CNTNAP2: variants seen among roughly 807,000 people sequenced by gnomAD.
CNTNAP2 encodes the protein contactin associated protein 2.
In CNTNAP2, 98 loss-of-function variants were observed where a neutral mutation model predicts 155.2. That is an observed-to-expected ratio of 0.63 (90% CI 0.54 to 0.75). The LOEUF (loss-of-function observed/expected upper bound fraction) is 0.75, where lower values mean the gene tolerates loss of function less well. Ranked by LOEUF, CNTNAP2 falls within the 30% of genes least tolerant of loss-of-function variation. The probability of loss-of-function intolerance (pLI) is 0.00; values close to 1 mark genes in which losing one functional copy is unlikely to be tolerated. For synonymous variants in CNTNAP2, 651 were observed against 631.2 expected, an observed-to-expected ratio of 1.03 and a Z score of -0.47; for missense variants, 1,727 against 1,688.1, an observed-to-expected ratio of 1.02 and a Z score of -0.40.
chr7:148,337,438 T>A (rs1367321224), intron 21 of CNTNAP2, among the ~76,000 whole-genome samples: 1 of 152,156 alleles, frequency 6.6e-6, no homozygotes, highest in Non-Finnish European at 1.5e-5. Context: ...ACCGTCAGAT[T>A]CCCTGACAGC....
intron 1 of CNTNAP2, among the ~76,000 whole-genome samples, chr7:146,593,722 C>T (rs150676118): frequency 3.3e-5 from 5 of 152,122 alleles, no homozygotes; most frequent in African/African-American, 1.2e-4. Flanking sequence ...GCTCATCCCT[C>T]CTTATTTCTC....
chr7:147,155,614 A>G (rs1318814641), intron 8 of CNTNAP2, among the ~76,000 whole-genome samples: 2 of 152,190 alleles, frequency 1.3e-5, no homozygotes, highest in African/African-American at 4.8e-5. Flanking sequence ...CCATTGGTAA[A>G]GAATATTCAT....
intron 1 of CNTNAP2, among the ~76,000 whole-genome samples, chr7:146,182,252 G>A (rs1275815088): frequency 6.6e-6 from 1 of 152,014 alleles, no homozygotes; most frequent in Non-Finnish European, 1.5e-5. Context: ...TTGTTTGTTT[G>A]TTTGATTTTG....
chr7:147,620,436 G>A (rs182387646), intron 12 of CNTNAP2, among the ~76,000 whole-genome samples: 32 of 151,520 alleles, frequency 2.1e-4, no homozygotes, highest in South Asian at 6.3e-4. Context: ...AAGATAAAGC[G>A]GAGAAGGTAT....
chr7:147,581,561 G>C (rs140169011), intron 12 of CNTNAP2, among the ~76,000 whole-genome samples: 1,558 of 152,188 alleles, frequency 0.01, 32 homozygotes, highest in African/African-American at 0.034. Context: ...AAGACCCCTG[G>C]TCAACCAAGA....
In CNTNAP2 at chr7:146,245,740, T is replaced by A. The variant is rs572831619; in HGVS notation, c.97+128767T>A. ...GGCTTGACTGAAGTAATGGGGGCTG[T>A]CTGTGAAGCCTTGCGGCAGTACAGC... On this transcript the variant is annotated intron_variant, in intron 1 of 23. Coordinates refer to ENST00000361727, the MANE Select transcript of CNTNAP2 (RefSeq NM_014141.6). Among the ~76,000 whole-genome samples, 6 of 152,236 alleles carry A rather than the reference T, an allele frequency of 3.9e-5. No homozygotes were observed. The East Asian group carries it at 9.7e-4, about 25-fold the overall frequency.
chr7:146,470,291 T>C (rs1257240795), intron 1 of CNTNAP2, among the ~76,000 whole-genome samples: 5 of 152,136 alleles, frequency 3.3e-5, no homozygotes, highest in Admixed American at 3.3e-4. Context: ...TTGTTTTCTT[T>C]ACCAAGGCAG....
chr7:147,356,335 G>A (rs1198290017), intron 9 of CNTNAP2, among the ~76,000 whole-genome samples: 3 of 152,030 alleles, frequency 2.0e-5, no homozygotes, highest in East Asian at 1.9e-4. Context: ...CATATTGAAT[G>A]GGCAAAAACT....
chr7:146,351,944 G>A (rs978638833), intron 1 of CNTNAP2, among the ~76,000 whole-genome samples: 3 of 152,172 alleles, frequency 2.0e-5, no homozygotes, highest in Non-Finnish European at 4.4e-5. Context: ...ATTTGGAGGA[G>A]TTAAAAGACC....
intron 1 of CNTNAP2, among the ~76,000 whole-genome samples, chr7:146,228,341 G>A (rs1003862791): frequency 2.0e-5 from 3 of 152,154 alleles, no homozygotes; most frequent in Non-Finnish European, 4.4e-5. Context: ...TAACTTTCTA[G>A]CTGCATAATT....
intron 13 of CNTNAP2, among the ~76,000 whole-genome samples, chr7:147,848,942 C>A (rs1382632991): frequency 3.3e-5 from 5 of 151,742 alleles, no homozygotes; most frequent in Non-Finnish European, 7.4e-5. Context: ...GTCGGAAAAG[C>A]CTTAACATCT....
intron 12 of CNTNAP2, among the ~76,000 whole-genome samples, chr7:147,603,983 A>AT (rs1209163798): frequency 1.3e-5 from 2 of 152,012 alleles, no homozygotes; most frequent in South Asian, 4.1e-4. Context: ...AGGATTCCCT[A>AT]TTTAATAAAT....
intron 1 of CNTNAP2, among the ~76,000 whole-genome samples, chr7:146,470,611 C>T (rs1459204130): frequency 2.0e-5 from 3 of 152,032 alleles, no homozygotes; most frequent in African/African-American, 7.3e-5. Flanking sequence ...CGCTCTGTCA[C>T]CAGGCTGGAG....
At chr7:147,538,505 G>T (rs1182509993) in intron 11 of CNTNAP2, among the ~76,000 whole-genome samples, 4 of 151,878 alleles carry the variant, frequency 2.6e-5, no homozygotes, top group African/African-American at 9.7e-5. Flanking sequence ...TAAAAACTTA[G>T]CCCATGAGGT....
intron 1 of CNTNAP2, among the ~76,000 whole-genome samples, chr7:146,428,244 C>A (rs1025723749): frequency 5.3e-5 from 8 of 152,040 alleles, no homozygotes; most frequent in Non-Finnish European, 2.9e-5. Context: ...GATTTATATT[C>A]CTTTGCATAT....
chr7:146,406,846 A>G (rs1795799294), intron 1 of CNTNAP2, among the ~76,000 whole-genome samples: 1 of 152,222 alleles, frequency 6.6e-6, no homozygotes, highest in Non-Finnish European at 1.5e-5. Flanking sequence ...TGCATAGAAT[A>G]TGGAAAGCAG....
intron 18 of CNTNAP2, among the ~76,000 whole-genome samples, chr7:148,174,565 C>T (rs140254908): frequency 0.012 from 1,851 of 152,288 alleles, 16 homozygotes; most frequent in Middle Eastern, 0.034. Context: ...TGGAAAACAT[C>T]GCTAATATTT....
chr7:148,037,394 T>C (rs2527060), intron 15 of CNTNAP2, among the ~76,000 whole-genome samples: 54,361 of 152,146 alleles, frequency 0.36, 10,432 homozygotes, highest in East Asian at 0.75. Context: ...CTCTGGGCCA[T>C]GTCCAATCCG....
chr7:146,386,879 C>G lies in CNTNAP2; in HGVS notation c.97+269906C>G, dbSNP rs144008718. 2.6e-3 allele frequency among the ~76,000 whole-genome samples: 401 copies of G among 152,192 alleles called. 2 individuals carry two copies. The highest frequency in any genetic ancestry group is 9.3e-3 in the African/African-American group (387 of 41,518). On this transcript the variant is annotated intron_variant, in intron 1 of 23. Transcript: ENST00000361727. ...ATTTCCTCTTTGAAATAGTGTGCCC[C>G]TCAAATACCTTGACATTTTCCTTTA...
Sources: gnomAD v4.1 joint callset for allele counts (sites outside exome capture counted in the v4.1 genomes callset) on GRCh38, gnomAD v4.1.1 for gene constraint, MANE v1.5 for transcripts, NCBI Gene and HGNC (gene_info 2026-07-23, HGNC 2026-07-21) for gene names.